Variants in CNNM3 observed in about 807,000 individuals in gnomAD.
The protein encoded by CNNM3 is metal transporter CNNM3.
CNNM3 carries 47 observed loss-of-function variants against 57.1 expected under a neutral mutation model. That is an observed-to-expected ratio of 0.82 (90% CI 0.65 to 1.05). The LOEUF is 1.05. CNNM3 is among the 50% of genes least tolerant of loss of function. The probability of loss-of-function intolerance (pLI) is 0.00; values close to 1 mark genes in which losing one functional copy is unlikely to be tolerated. For missense variants in CNNM3, 957 were observed against 973.7 expected (o/e 0.98, Z 0.23); for synonymous variants, 507 against 478.2 (o/e 1.06, Z -0.79).
At position 96,828,196 on chromosome 2, in the gene CNNM3, G is replaced by A; in HGVS notation, c.1786+1G>A. ...TCGGCCCTAACTGTGCCATCCTCGG[G>A]TAAGCCACGGCCCTGCTGATGCTGA... On this transcript the variant is annotated splice_donor_variant, in intron 5 of 7. Transcript: ENST00000305510. LOFTEE classifies it high-confidence loss of function. 3.1e-6 allele frequency: 5 copies of A among 1,612,880 alleles called. No individual in the cohort carries two copies. The highest frequency in any genetic ancestry group is 1.1e-5 in the South Asian group (1 of 91,040).
chr2:96,835,832 G>A (rs2079683878), downstream of CNNM3, among the ~76,000 whole-genome samples: 1 of 152,130 alleles, frequency 6.6e-6, no homozygotes, highest in African/African-American at 2.4e-5. Flanking sequence ...ATCCTCCACA[G>A]CACTTAGTGG....
At position 96,816,759 on chromosome 2, in the gene CNNM3, T is replaced by TGGCGCC; in HGVS notation, c.483_488dup (p.Pro163_Ala164dup). ...GGCCTGCAGCTGAGCGCGCTGGCGCTGGCGCCTGCCGAGGTGCAGGTGCTG... is the reference window on the plus strand; with the variant it reads ...GGCCTGCAGCTGAGCGCGCTGGCGCTGGCGCCGGCGCCTGCCGAGGTGCAGGTGCTG... On this transcript the variant is annotated inframe_insertion, in exon 1 of 8. Transcript: ENST00000305510. 2 of 1,018,254 alleles carry TGGCGCC rather than the reference T, an allele frequency of 2.0e-6. No individual in the cohort carries two copies. The highest frequency in any genetic ancestry group is 1.2e-6 in the Non-Finnish European group (1 of 853,904). The allele number at this position is 1,018,254 out of a possible 1,614,324, so 63.1% of individuals were successfully genotyped here.
intron 1 of CNNM3, among the ~76,000 whole-genome samples, chr2:96,822,708 A>G (rs963867220): frequency 2.6e-5 from 4 of 152,368 alleles, no homozygotes; most frequent in Admixed American, 6.5e-5. Context: ...CTCCAACAGC[A>G]GTGAGGAGCG....
intron 2 of CNNM3, among the ~76,000 whole-genome samples, chr2:96,826,266 A>T (rs1292431608): frequency 6.6e-6 from 1 of 151,952 alleles, no homozygotes; most frequent in Non-Finnish European, 1.5e-5. Context: ...AGGCTGGAGT[A>T]CAGTGGCGCA....
At chr2:96,828,516 G>A in intron 5 of CNNM3, 51 bp from the exon 6 acceptor site, 1 of 1,610,124 alleles carries the variant, frequency 6.2e-7, no homozygotes, top group Non-Finnish European at 8.5e-7. Flanking sequence ...AGGGGAGGAG[G>A]CTCCCAGCTG....
intron 7 of CNNM3, among the ~76,000 whole-genome samples, chr2:96,830,034 C>A (rs2079574840): frequency 6.6e-6 from 1 of 152,152 alleles, no homozygotes; most frequent in Non-Finnish European, 1.5e-5. Context: ...GATATGGAAC[C>A]CCATCCCCAC....
At chr2:96,829,188 T>G in intron 7 of CNNM3, 54 bp downstream of exon 7, 1 of 1,591,466 alleles carries the variant, frequency 6.3e-7, no homozygotes, top group Non-Finnish European at 8.6e-7. Context: ...GGCCGTGAGC[T>G]CACACACACA....
At chr2:96,827,066 G>C in intron 3 of CNNM3, 84 bp downstream of exon 3, 2 of 1,477,010 alleles carry the variant, frequency 1.4e-6, no homozygotes, top group Non-Finnish European at 1.8e-6. Flanking sequence ...CACTGACTCT[G>C]CTCCCCACTC....
chr2:96,816,938 G>T lies in CNNM3; in HGVS notation c.661G>T (p.Ala221Ser). The change falls in exon 1 of 8, where the codon GCG becomes TCG. Residue 221 changes from alanine to serine, a missense_variant. By Grantham distance (99) the Ala-to-Ser change is moderately conservative. Coordinates refer to ENST00000305510, the MANE Select transcript of CNNM3 (RefSeq NM_017623.5). ...GCTGTACCGCGCGGCCGGCCAGCGT[G>T]CGGTGCCCGCCGTGTTGGGCAGCGC... is the stretch of plus-strand genomic sequence containing the variant. ...VLLYRAAGQR[A>S]VPAVLGSAGL... 5 of 1,233,290 alleles carry T rather than the reference G, an allele frequency of 4.1e-6. No homozygotes were observed. Among genetic ancestry groups the T allele is most frequent in the Non-Finnish European group, 5.1e-6 (5 of 986,056 alleles). 76.4% of individuals were successfully genotyped at this position (1,233,290 alleles called of 1,614,324 possible). A position where few individuals can be genotyped will look rare whatever the true frequency, so the allele number is the denominator to read the frequency against.
rs1461729819 is a variant in CNNM3 at position 96,832,732 on chromosome 2, T to C, written c.*116T>C. The C allele has an allele frequency of 1.3e-6, 2 of 1,569,442 alleles. No individual in the cohort carries two copies. The highest frequency in any genetic ancestry group is 2.7e-5 in the African/African-American group (2 of 74,040). ...CATCCCCTCCAGGCCACGTTTTAGA[T>C]GGCCCTTGTAGTTGCGGGTCCTGGG... is the stretch of plus-strand genomic sequence containing the variant. On this transcript the variant is annotated 3_prime_UTR_variant, in exon 8 of 8. Transcript: ENST00000305510.
chr2:96,831,134 G>C (rs2079595980), intron 7 of CNNM3, among the ~76,000 whole-genome samples: 1 of 152,206 alleles, frequency 6.6e-6, no homozygotes, highest in South Asian at 2.1e-4. Flanking sequence ...TAGTGGCTTT[G>C]TGGGTCATTT....
At chr2:96,818,113 T>C (rs2079352780) in intron 1 of CNNM3, among the ~76,000 whole-genome samples, 1 of 152,190 alleles carries the variant, frequency 6.6e-6, no homozygotes, top group South Asian at 2.1e-4. Context: ...TCTCCCTTTC[T>C]CCCAGCTCTG....
chr2:96,834,840 T>C lies in CNNM3; in HGVS notation c.*2224T>C, dbSNP rs1041715427. ...CAGGATGCCATACTGCACTTAGAGC[T>C]GTTGCTTTCTTTTTTCCTAACTTTA... On this transcript the variant is annotated 3_prime_UTR_variant, in exon 8 of 8. Coordinates refer to ENST00000305510, the MANE Select transcript of CNNM3 (RefSeq NM_017623.5). 6.6e-6 allele frequency among the ~76,000 whole-genome samples: 1 copy of C among 152,210 alleles called. No homozygotes were observed. Among genetic ancestry groups the C allele is most frequent in the Admixed American group, 6.5e-5 (1 of 15,280 alleles).
At position 96,833,305 on chromosome 2, in the gene CNNM3, G is replaced by A; in HGVS notation, c.*689G>A. On this transcript the variant is annotated 3_prime_UTR_variant, in exon 8 of 8. Transcript: ENST00000305510. ...GCTGAGGGCCCCTTTCTGCTTCTCTGCCCACCTGCTGAGTTGCCACTCGCA... is the reference window on the plus strand; with the variant it reads ...GCTGAGGGCCCCTTTCTGCTTCTCTACCCACCTGCTGAGTTGCCACTCGCA... 3.3e-6 allele frequency: 1 copy of A among 305,902 alleles called. No individual in the cohort carries two copies. Among genetic ancestry groups the A allele is most frequent in the Admixed American group, 4.5e-5 (1 of 22,352 alleles). 18.9% of individuals were successfully genotyped at this position (305,902 alleles called of 1,614,324 possible). A position where few individuals can be genotyped will look rare whatever the true frequency, so the allele number is the denominator to read the frequency against.
intron 5 of CNNM3, 65 bp from the exon 6 acceptor site, chr2:96,828,502 C>T: frequency 1.2e-6 from 2 of 1,602,934 alleles, no homozygotes; most frequent in Middle Eastern, 1.7e-4. Context: ...CAGTTGTCCC[C>T]ACCAGGGGAG....
At position 96,819,320 on chromosome 2, in the gene CNNM3, C is replaced by A. The variant is rs1439921944; in HGVS notation, c.1225+1818C>A. On this transcript the variant is annotated intron_variant, in intron 1 of 7. Transcript: ENST00000305510. ...AACCCTGGAATCAGCGGAGTAGGTT[C>A]CATCCTGCCCTTGCCTGCCCCCAGG... 3.9e-5 allele frequency among the ~76,000 whole-genome samples: 6 copies of A among 152,216 alleles called. 1 individual carries two copies. Among genetic ancestry groups the A allele is most frequent in the Non-Finnish European group, 7.3e-5 (5 of 68,038 alleles).
In CNNM3 at chr2:96,816,522, A is replaced by AG; in HGVS notation, c.250dup (p.Ala84GlyfsTer46). 4.3e-6 allele frequency: 6 copies of AG among 1,384,964 alleles called. No individual in the cohort carries two copies. The highest frequency in any genetic ancestry group is 1.6e-5 in the South Asian group (1 of 61,440). 85.8% of individuals were successfully genotyped at this position (1,384,964 alleles called of 1,614,324 possible). A position where few individuals can be genotyped will look rare whatever the true frequency, so the allele number is the denominator to read the frequency against. On this transcript the variant is annotated frameshift_variant, in exon 1 of 8. Transcript: ENST00000305510. LOFTEE classifies it high-confidence loss of function. ...AGCTCTTGGTCCTGGGTGGCCCCGG[A>AG]GGGGGCGGGCTGCCGGGAGGAGGCG...
At chr2:96,837,309 T>C (rs990229143), downstream of CNNM3, 4 of 152,282 alleles carry the variant, frequency 2.6e-5, no homozygotes, top group African/African-American at 4.8e-5. Context: ...ATATCTTTAC[T>C]GTATTCTGTC....
chr2:96,817,264 C>T lies in CNNM3; in HGVS notation c.987C>T (p.Ala329=), dbSNP rs2153353174. The T allele has an allele frequency of 6.2e-7, 1 of 1,612,256 alleles. No individual in the cohort carries two copies. ...TPLEDCFMLD[A]STVLDFGVLA... is the part of the protein sequence containing the mutation. ...TCGAAGACTGCTTCATGCTGGACGC[C>T]AGCACCGTGCTGGACTTCGGCGTCC... The change falls in exon 1 of 8, where the codon GCC becomes GCT. Residue 329 remains alanine (A), a synonymous_variant. Transcript: ENST00000305510.
Sources: allele counts gnomAD v4.1 joint callset (sites outside exome capture counted in the v4.1 genomes callset), GRCh38; gene constraint gnomAD v4.1.1; transcripts MANE v1.5; gene names NCBI Gene and HGNC (gene_info 2026-07-23, HGNC 2026-07-21).